The following NRXN1 variants were observed in gnomAD, a reference collection of about 807,000 sequenced individuals.
NRXN1 encodes neurexin-1.
In NRXN1, 39 loss-of-function variants were observed where a neutral mutation model predicts 150.9. The observed-to-expected ratio is 0.26, with a 90% CI of 0.20 to 0.34. The LOEUF (loss-of-function observed/expected upper bound fraction) is 0.34. Ranked by LOEUF, NRXN1 falls within the 10% of genes least tolerant of loss-of-function variation. The pLI is 1.00. For missense variants in NRXN1, 1,815 were observed against 1,949.9 expected, an observed-to-expected ratio of 0.93 and a Z score of 1.30; for synonymous variants, 924 against 757.0, an observed-to-expected ratio of 1.22 and a Z score of -3.62.
At chr2:50,240,253 T>A (rs2681996) in intron 17 of NRXN1, among the ~76,000 whole-genome samples, 62,550 of 151,476 alleles carry the variant, frequency 0.41, 13,103 homozygotes, top group Middle Eastern at 0.45. Context: ...TTATTTCTAG[T>A]TTCCTTTTTT....
chr2:49,968,353 A>C (rs527822116), intron 21 of NRXN1, among the ~76,000 whole-genome samples: 1 of 152,194 alleles, frequency 6.6e-6, no homozygotes, highest in Admixed American at 6.5e-5. Context: ...ATACAAACTA[A>C]ATATGCAGAT....
rs752698111 is a variant in NRXN1 at position 50,538,267 on chromosome 2, C to T, written c.2129G>A (p.Arg710Lys). The stretch of plus-strand genomic sequence containing the variant: ...TAGAATCCTACCTCTCTCACAGGAC[C>T]TGCCAAGATAGCCTGTTCCGGAACA... The part of the protein sequence containing the change: ...CDCSGTGYLG[R>K]SCEREATVLS... The change falls in exon 10 of 23, where the codon AGG (arginine) becomes AAG (lysine). Residue 710 changes from arginine to lysine, a missense_variant. Arg to Lys is a conservative substitution (Grantham distance 26). Transcript: ENST00000401669. 21 of 1,610,812 alleles carry T rather than the reference C, an allele frequency of 1.3e-5. No homozygotes were observed. Among genetic ancestry groups the T allele is most frequent in the Admixed American group, 1.7e-5 (1 of 59,930 alleles).
chr2:50,514,385 T>G (rs1183456031), intron 12 of NRXN1, among the ~76,000 whole-genome samples: 2 of 152,328 alleles, frequency 1.3e-5, no homozygotes, highest in East Asian at 3.9e-4. Context: ...TGGTCCATAT[T>G]GTGTCTGTTG....
chr2:50,281,071 G>A (rs1405357388), intron 17 of NRXN1, among the ~76,000 whole-genome samples: 4 of 151,036 alleles, frequency 2.6e-5, no homozygotes, highest in Non-Finnish European at 5.9e-5. Flanking sequence ...TTGGGAGGCC[G>A]AGGCGGGCAG....
intron 15 of NRXN1, among the ~76,000 whole-genome samples, chr2:50,472,900 C>T (rs1487382961): frequency 1.3e-5 from 2 of 150,500 alleles, no homozygotes; most frequent in Non-Finnish European, 3.0e-5. Context: ...AAAACCTATG[C>T]CAGAGGGTTT....
At chr2:50,608,099 A>G (rs959071607) in intron 8 of NRXN1, among the ~76,000 whole-genome samples, 2 of 152,048 alleles carry the variant, frequency 1.3e-5, no homozygotes, top group African/African-American at 4.8e-5. Context: ...TGAGACTCCA[A>G]CTGTAAGCCT....
intron 17 of NRXN1, among the ~76,000 whole-genome samples, chr2:50,403,990 C>T (rs533318082): frequency 6.6e-6 from 1 of 152,136 alleles, no homozygotes; most frequent in East Asian, 1.9e-4. Flanking sequence ...ATCACAGTTT[C>T]TCTATAGATA....
At chr2:50,068,969 G>A (rs2152662564) in intron 19 of NRXN1, among the ~76,000 whole-genome samples, 1 of 152,240 alleles carries the variant, frequency 6.6e-6, no homozygotes, top group Admixed American at 6.5e-5. Context: ...GTTTATGCAT[G>A]CTACTTTTAA....
At chr2:50,705,938 G>C (rs541652316) in intron 5 of NRXN1, among the ~76,000 whole-genome samples, 1 of 152,322 alleles carries the variant, frequency 6.6e-6, no homozygotes, top group South Asian at 2.1e-4. Flanking sequence ...AAAGGAGTCA[G>C]TAAGTAGTAC....
chr2:50,428,740 T>G (rs1244096049), intron 17 of NRXN1, among the ~76,000 whole-genome samples: 1 of 152,200 alleles, frequency 6.6e-6, no homozygotes, highest in African/African-American at 2.4e-5. Context: ...ACGATAGACC[T>G]TGCTTTAGCA....
intron 18 of NRXN1, among the ~76,000 whole-genome samples, chr2:50,173,946 T>A (rs1362449693): frequency 6.6e-6 from 1 of 152,104 alleles, no homozygotes; most frequent in African/African-American, 2.4e-5. Flanking sequence ...ATCTGTCAGG[T>A]TAACATGCAT....
chr2:50,047,294 C>G (rs375313630), intron 21 of NRXN1, among the ~76,000 whole-genome samples: 188 of 151,946 alleles, frequency 1.2e-3, no homozygotes, highest in African/African-American at 4.3e-3. Flanking sequence ...TCAAGTTGTA[C>G]TTTTTGAGTT....
At chr2:50,819,534 A>C (rs189174936) in intron 5 of NRXN1, among the ~76,000 whole-genome samples, 15 of 152,152 alleles carry the variant, frequency 9.9e-5, no homozygotes, top group Admixed American at 6.5e-4. Flanking sequence ...GGGCATAGGG[A>C]AGATAGGGAG....
intron 10 of NRXN1, among the ~76,000 whole-genome samples, chr2:50,535,638 C>T (rs143685686): frequency 9.8e-4 from 149 of 152,284 alleles, no homozygotes; most frequent in Middle Eastern, 3.4e-3. Context: ...GAAGGGAAGG[C>T]GCTAAATTTA....
chr2:50,988,911 G>A (rs553296706), intron 2 of NRXN1, among the ~76,000 whole-genome samples: 3 of 151,914 alleles, frequency 2.0e-5, no homozygotes, highest in East Asian at 1.9e-4. Context: ...GTGAGATCAC[G>A]GACTCCTGCC....
rs771748547 is a variant in NRXN1 at position 50,552,719 on chromosome 2, T to C, written c.1627A>G (p.Ile543Val). 8 of 1,613,968 alleles carry C rather than the reference T, an allele frequency of 5.0e-6. No homozygotes were observed. Among genetic ancestry groups the C allele is most frequent in the East Asian group, 2.2e-5 (1 of 44,876 alleles). Residue 543 changes from isoleucine (I) to valine (V), a missense_variant, in exon 9 of 23, where the codon ATT (isoleucine) becomes GTT (valine). This residue lies in a region of NRXN1 where 638 missense variants were observed against 652.6 expected (regional missense o/e 0.98). Coordinates refer to ENST00000401669, the MANE Select transcript of NRXN1 (RefSeq NM_001330078.2). ...PQMIKVDFFAIEMLDGHLYLL... is the reference protein window; with the variant it reads ...PQMIKVDFFAVEMLDGHLYLL... ...TAGAGGTGGCCATCTAGCATCTCAA[T>C]AGCAAAGAAGTCCACCTTTATCATC...
At chr2:50,961,841 T>C (rs1014693357) in intron 2 of NRXN1, among the ~76,000 whole-genome samples, 4 of 151,696 alleles carry the variant, frequency 2.6e-5, no homozygotes, top group East Asian at 3.9e-4. Flanking sequence ...CATTTGTATA[T>C]AGATACATAC....
intron 17 of NRXN1, among the ~76,000 whole-genome samples, chr2:50,305,697 G>C (rs2074550834): frequency 6.6e-6 from 1 of 152,126 alleles, no homozygotes; most frequent in South Asian, 2.1e-4. Context: ...AAGTCTATTT[G>C]TGGCTTGATA....
At chr2:50,091,210 T>C in intron 19 of NRXN1, 113 bp downstream of exon 19, 3 of 1,197,840 alleles carry the variant, frequency 2.5e-6, no homozygotes, top group Non-Finnish European at 3.7e-6. Context: ...GTCCAATAAA[T>C]AGTTGATGGT....
Sources: allele counts gnomAD v4.1 joint callset (sites outside exome capture counted in the v4.1 genomes callset), GRCh38; gene constraint gnomAD v4.1.1; regional missense constraint gnomAD v4.1.1; transcripts MANE v1.5; gene names NCBI Gene and HGNC (gene_info 2026-07-23, HGNC 2026-07-21).